IGFBPL1: variants seen among roughly 807,000 people sequenced by gnomAD.
IGFBPL1 encodes insulin-like growth factor-binding protein-like 1.
IGFBPL1 carries 20 observed loss-of-function variants against 23.9 expected under a neutral mutation model. That is an observed-to-expected ratio of 0.84 (90% CI 0.59 to 1.22). The LOEUF (loss-of-function observed/expected upper bound fraction) is 1.22, where lower values mean the gene tolerates loss of function less well. Among genes scored for constraint, IGFBPL1 ranks in the 50% most tolerant of loss-of-function variants. The pLI is 0.00. For missense variants in IGFBPL1, 436 were observed against 379.3 expected (o/e 1.15, Z -1.24); for synonymous variants, 184 against 171.8 (o/e 1.07, Z -0.56).
At position 38,416,261 on chromosome 9, in the gene IGFBPL1, T is replaced by C. The variant is rs1481070940; in HGVS notation, c.461-2058A>G. On this transcript the variant is annotated intron_variant, in intron 1 of 4. Coordinates refer to ENST00000377694, the MANE Select transcript of IGFBPL1 (RefSeq NM_001007563.3). ...TTTGTTCATGTAAAGTCATACATTT[T>C]AAATGTGATTTCATCAATCCCTTTC... Among the ~76,000 whole-genome samples, 3 of 152,220 alleles carry C rather than the reference T, an allele frequency of 2.0e-5. No homozygotes were observed. In the South Asian group the frequency reaches 6.2e-4, roughly 32 times the overall value.
intron 4 of IGFBPL1, among the ~76,000 whole-genome samples, chr9:38,409,912 A>G (rs958565439): frequency 2.6e-5 from 4 of 152,062 alleles, no homozygotes; most frequent in African/African-American, 9.7e-5. Context: ...TCATGCCTTA[A>G]TATCTCCTCC....
rs979038982 is a variant in IGFBPL1 at position 38,413,466 on chromosome 9, C to T, written c.571-113G>A. The T allele has an allele frequency of 2.0e-5, 14 of 699,112 alleles. No individual in the cohort carries two copies. In the East Asian group the frequency reaches 2.5e-4, roughly 12 times the overall value. The allele number at this position is 699,112 out of a possible 1,614,324, so 43.3% of individuals were successfully genotyped here. ...CCTCCTCCTCCCACTGACTCAAAAA[C>T]GGAAACCCTAGCACTGCTCATGCCT... On this transcript the variant is annotated intron_variant, in intron 2 of 4. Transcript: ENST00000377694.
chr9:38,412,879 A>G (rs1464612913), intron 3 of IGFBPL1, among the ~76,000 whole-genome samples: 2 of 152,164 alleles, frequency 1.3e-5, no homozygotes, highest in Non-Finnish European at 2.9e-5. Context: ...TTCCACACTT[A>G]AAGACCCACC....
At chr9:38,410,196 G>A (rs765776064) in intron 4 of IGFBPL1, among the ~76,000 whole-genome samples, 5 of 152,146 alleles carry the variant, frequency 3.3e-5, no homozygotes, top group African/African-American at 9.7e-5. Flanking sequence ...TAAGAGGATC[G>A]TGCAGGCCAG....
Position 38,423,965 on chromosome 9 carries a change from C to G in IGFBPL1, c.460G>C (p.Ala154Pro). 4 of 1,390,164 alleles carry G rather than the reference C, an allele frequency of 2.9e-6. No individual in the cohort carries two copies. The highest frequency in any genetic ancestry group is 3.7e-6 in the Non-Finnish European group (4 of 1,079,386). 86.1% of individuals were successfully genotyped at this position (1,390,164 alleles called of 1,614,324 possible). ...HKARDGPCEF[A>P]PVVVVPPRSV... ...CACCCAATCCCCGACCCTGACTCAC[C>G]GAACTCGCAAGGGCCGTCGCGCGCC... The change falls in exon 1 of 5, where the codon GCT (alanine) becomes CCT (proline). Residue 154 changes from alanine (A) to proline (P), a missense_variant and splice_region_variant. Coordinates refer to ENST00000377694, the MANE Select transcript of IGFBPL1 (RefSeq NM_001007563.3).
chr9:38,414,029 T>G, intron 2 of IGFBPL1, 65 bp downstream of exon 2: 1 of 856,672 alleles, frequency 1.2e-6, no homozygotes, highest in Middle Eastern at 2.3e-4. Flanking sequence ...TTTCTCCCTC[T>G]TTCTCACACA....
intron 4 of IGFBPL1, among the ~76,000 whole-genome samples, chr9:38,409,904 A>C (rs1821485240): frequency 6.6e-6 from 1 of 151,982 alleles, no homozygotes; most frequent in South Asian, 2.1e-4. Flanking sequence ...GCTGCTTTTC[A>C]TGCCTTAATA....
At chr9:38,421,063 T>A (rs990089382) in intron 1 of IGFBPL1, among the ~76,000 whole-genome samples, 3 of 151,490 alleles carry the variant, frequency 2.0e-5, no homozygotes, top group Non-Finnish European at 4.4e-5. Context: ...GAGGCTGAGG[T>A]GGGAGGAGTG....
intron 1 of IGFBPL1, among the ~76,000 whole-genome samples, chr9:38,422,184 G>T (rs1821689803): frequency 6.6e-6 from 1 of 152,200 alleles, no homozygotes. Flanking sequence ...AGGGTGTTGG[G>T]ACCAGGGAGC....
At chr9:38,414,064 C>CACACACACACTA in intron 2 of IGFBPL1, 30 bp downstream of exon 2, 1 of 1,249,300 alleles carries the variant, frequency 8.0e-7, no homozygotes, top group Non-Finnish European at 1.2e-6. Flanking sequence ...CACACACACA[C>CACACACACACTA]GAGATGCATG....
chr9:38,410,205 A>G (rs1042745146), intron 4 of IGFBPL1, among the ~76,000 whole-genome samples: 12 of 152,172 alleles, frequency 7.9e-5, no homozygotes, highest in African/African-American at 2.9e-4. Flanking sequence ...CGTGCAGGCC[A>G]GGCACGGTGG....
rs2118322688 is a variant in IGFBPL1 at position 38,420,006 on chromosome 9, C to G, written c.460+3959G>C. Among the ~76,000 whole-genome samples, 2 of 152,302 alleles carry G rather than the reference C, an allele frequency of 1.3e-5. 1 individual carries two copies. The highest frequency in any genetic ancestry group is 4.1e-4 in the South Asian group (2 of 4,826). Reference sequence around the variant, plus strand: ...CTGGGCTCAAGAAATCCTCCTGCCTCAGCCTCCCAAGTAGCTGGGACTACA... The same window carrying G: ...CTGGGCTCAAGAAATCCTCCTGCCTGAGCCTCCCAAGTAGCTGGGACTACA... On this transcript the variant is annotated intron_variant, in intron 1 of 4. Coordinates refer to ENST00000377694, the MANE Select transcript of IGFBPL1 (RefSeq NM_001007563.3).
intron 1 of IGFBPL1, among the ~76,000 whole-genome samples, chr9:38,420,114 C>T (rs968296632): frequency 5.3e-5 from 8 of 152,176 alleles, no homozygotes; most frequent in Admixed American, 2.0e-4. Flanking sequence ...TATCCTTGAA[C>T]TCCTGGCCTC....
intron 1 of IGFBPL1, among the ~76,000 whole-genome samples, chr9:38,416,227 T>G (rs1220719120): frequency 1.3e-5 from 2 of 152,242 alleles, no homozygotes; most frequent in Non-Finnish European, 2.9e-5. Context: ...TCAATCAGCC[T>G]GGTTTACTTT....
intron 3 of IGFBPL1, 130 bp from the exon 4 acceptor site, chr9:38,411,679 T>C (rs531168477): frequency 1.2e-6 from 1 of 816,230 alleles, no homozygotes; most frequent in East Asian, 2.7e-5. Flanking sequence ...TCTATTTCTC[T>C]CCTTGCATTG....
At chr9:38,409,487 C>T (rs938319131) in intron 4 of IGFBPL1, among the ~76,000 whole-genome samples, 1 of 152,130 alleles carries the variant, frequency 6.6e-6, no homozygotes, top group Non-Finnish European at 1.5e-5. Flanking sequence ...GTAGTGAGCT[C>T]TGTATCCCTG....
At chr9:38,419,431 C>T (rs973290932) in intron 1 of IGFBPL1, among the ~76,000 whole-genome samples, 5 of 152,246 alleles carry the variant, frequency 3.3e-5, no homozygotes, top group East Asian at 3.9e-4. Flanking sequence ...AAGTGGCATG[C>T]GCTGCCTCTC....
rs1167014263 is a variant in IGFBPL1, at chr9:38,407,233, CTCA to C, written c.*1991_*1993del. On this transcript the variant is annotated 3_prime_UTR_variant, in exon 5 of 5. Transcript: ENST00000377694. ...GCTTCCAGTGCCATCCATTTCAATT[CTCA>C]TCTTTTGTTTTCAAAGAGAGCTTCC... is the stretch of plus-strand genomic sequence containing the variant. 6.6e-6 allele frequency among the ~76,000 whole-genome samples: 1 copy of C among 152,240 alleles called. No individual in the cohort carries two copies. Among genetic ancestry groups the C allele is most frequent in the Non-Finnish European group, 1.5e-5 (1 of 68,036 alleles).
rs539044999 is a variant in IGFBPL1, at chr9:38,411,406, GCGGTCAT to G, written c.824_830del (p.Asp275AlafsTer15). On this transcript the variant is annotated frameshift_variant, in exon 4 of 5. Coordinates refer to ENST00000377694, the MANE Select transcript of IGFBPL1 (RefSeq NM_001007563.3). LOFTEE classifies it high-confidence loss of function. ...GAACATGTACATTTCTCCATCACAT[GCGGTCAT>G]CGGGAGCTGGGAAGTGGAAGCTCCT... The G allele has an allele frequency of 1.8e-3, 2,957 of 1,612,788 alleles. 46 individuals carry two copies. In the African/African-American group the frequency reaches 0.03, roughly 16 times the overall value.
Sources: allele counts gnomAD v4.1 joint callset (sites outside exome capture counted in the v4.1 genomes callset), GRCh38; gene constraint gnomAD v4.1.1; transcripts MANE v1.5; gene names NCBI Gene and HGNC (gene_info 2026-07-23, HGNC 2026-07-21).